TENM4: variants seen among roughly 807,000 people sequenced by gnomAD.
TENM4 encodes the protein teneurin-4.
Under a neutral mutation model 243.3 loss-of-function variants are expected in TENM4, and 82 were observed. The observed-to-expected ratio is 0.34, with a 90% confidence interval of 0.28 to 0.40. The LOEUF is 0.40. TENM4 is among the 10% of genes least tolerant of loss of function. TENM4 has a pLI of 1.00. For missense variants in TENM4, 3,138 were observed against 3,673.3 expected, an observed-to-expected ratio of 0.85 and a Z score of 3.77; for synonymous variants, 1,412 against 1,456.3, an observed-to-expected ratio of 0.97 and a Z score of 0.69.
chr11:78,744,202 T>C (rs1337282614), intron 19 of TENM4, among the ~76,000 whole-genome samples: 1 of 152,184 alleles, frequency 6.6e-6, no homozygotes, highest in Non-Finnish European at 1.5e-5. Context: ...AGCCTGACAT[T>C]GTCCTCTCTG....
chr11:78,826,577 G>A (rs1384895289), intron 12 of TENM4, among the ~76,000 whole-genome samples: 2 of 152,048 alleles, frequency 1.3e-5, no homozygotes, highest in Non-Finnish European at 2.9e-5. Flanking sequence ...CTGTCTCCAG[G>A]CCTGCCCCTT....
In TENM4 at chr11:78,676,566, C is replaced by A. The variant is rs79676673; in HGVS notation, c.5261-179G>T. ...GAAGACCATCCAGATTCTCCATATCCAAAGAAAACCATTGTAAATATTTTG... is the reference window on the plus strand; with the variant it reads ...GAAGACCATCCAGATTCTCCATATCAAAAGAAAACCATTGTAAATATTTTG... On this transcript the variant is annotated intron_variant, in intron 29 of 33. Coordinates refer to ENST00000278550, the MANE Select transcript of TENM4 (RefSeq NM_001098816.3). 4.4e-3 allele frequency among the ~76,000 whole-genome samples: 671 copies of A among 152,316 alleles called. 1 individual carries two copies. Among genetic ancestry groups the A allele is most frequent in the African/African-American group, 0.015 (632 of 41,568 alleles).
chr11:79,001,618 T>C (rs1565162010), intron 6 of TENM4, among the ~76,000 whole-genome samples: 1 of 152,170 alleles, frequency 6.6e-6, no homozygotes. Flanking sequence ...GGATGGCCAT[T>C]CTCCATGGCT....
At chr11:78,815,453 A>G (rs1329580854) in intron 12 of TENM4, among the ~76,000 whole-genome samples, 1 of 152,080 alleles carries the variant, frequency 6.6e-6, no homozygotes, top group Non-Finnish European at 1.5e-5. Flanking sequence ...GCTCTCTGTC[A>G]TGCCCCCCTT....
intron 12 of TENM4, among the ~76,000 whole-genome samples, chr11:78,845,545 C>T (rs111420687): frequency 6.6e-6 from 1 of 152,186 alleles, no homozygotes; most frequent in Non-Finnish European, 1.5e-5. Flanking sequence ...CTATCGACCA[C>T]CAGTGCCAAT....
In TENM4 at chr11:78,735,876, T is replaced by C. The variant is rs539717999; in HGVS notation, c.2876+2575A>G. Among the ~76,000 whole-genome samples the C allele has an allele frequency of 5.9e-4, 86 of 146,684 alleles. 1 individual carries two copies. Among genetic ancestry groups the C allele is most frequent in the African/African-American group, 2.0e-3 (82 of 40,632 alleles). ...CCTCCTCTCCTCTCCTTTCTTTTCT[T>C]CCTTTCCCCCTTTCTCCCTTTCCTT... On this transcript the variant is annotated intron_variant, in intron 20 of 33. Transcript: ENST00000278550.
At chr11:78,708,905 C>T (rs1332391581) in intron 26 of TENM4, among the ~76,000 whole-genome samples, 2 of 151,300 alleles carry the variant, frequency 1.3e-5, no homozygotes, top group Non-Finnish European at 1.5e-5. Context: ...ATTTCTGAAG[C>T]TCTGTAATTA....
In TENM4 at chr11:79,438,062, G is replaced by C. The variant is rs1362389886; in HGVS notation, c.-321+2447C>G. Among the ~76,000 whole-genome samples the C allele has an allele frequency of 6.6e-6, 1 of 152,178 alleles. No homozygotes were observed. The highest frequency in any genetic ancestry group is 1.9e-4 in the East Asian group (1 of 5,166). On this transcript the variant is annotated intron_variant, in intron 1 of 33. Transcript: ENST00000278550. This position sits in a 1 kb window ranked among gnomAD's most constrained non-coding sequence, Gnocchi z 4.1. ...AAGGAACAGATTCAGACAGATCGGG[G>C]ATTTCAGTGGGAGGGGACGAGAGGT...
chr11:79,172,083 C>T (rs1045971614), intron 3 of TENM4, among the ~76,000 whole-genome samples: 1 of 152,204 alleles, frequency 6.6e-6, no homozygotes, highest in East Asian at 1.9e-4. Flanking sequence ...TTCTGAGTAG[C>T]TGGGACTACA....
chr11:78,754,530 T>C (rs1211952467), intron 19 of TENM4, among the ~76,000 whole-genome samples: 5 of 152,156 alleles, frequency 3.3e-5, no homozygotes, highest in South Asian at 4.1e-4. Context: ...ATGGCCCTAA[T>C]TGGATCCAAT....
chr11:79,323,209 C>T lies in TENM4; in HGVS notation c.-320-25666G>A, dbSNP rs140150128. Among the ~76,000 whole-genome samples the T allele has an allele frequency of 3.9e-3, 589 of 152,340 alleles. 1 individual carries two copies. The highest frequency in any genetic ancestry group is 0.017 in the Middle Eastern group (5 of 294). On this transcript the variant is annotated intron_variant, in intron 1 of 33. Coordinates refer to ENST00000278550, the MANE Select transcript of TENM4 (RefSeq NM_001098816.3). ...GTATGGGCCCCTCTTGAGGCAGACACCTTTTTCTTCTAAATCCTGATCCCA... is the reference window on the plus strand; with the variant it reads ...GTATGGGCCCCTCTTGAGGCAGACATCTTTTTCTTCTAAATCCTGATCCCA...
intron 29 of TENM4, among the ~76,000 whole-genome samples, chr11:78,687,369 T>C (rs907686640): frequency 1.3e-5 from 2 of 152,170 alleles, no homozygotes; most frequent in African/African-American, 4.8e-5. Context: ...TGAAAGCCTT[T>C]GGAGGTACAA....
rs755304613 is a variant in TENM4, at chr11:78,778,593, A to G, written c.2392+9T>C. 5 of 1,611,560 alleles carry G rather than the reference A, an allele frequency of 3.1e-6. No homozygotes were observed. Among genetic ancestry groups the G allele is most frequent in the Non-Finnish European group, 4.2e-6 (5 of 1,178,862 alleles). On this transcript the variant is annotated intron_variant, in intron 17 of 33. Transcript: ENST00000278550. ...AGACAACAGGAAAATAGAGGAAGGAAGACCATACCTTTAACTACCCTATCC... is the reference window on the plus strand; with the variant it reads ...AGACAACAGGAAAATAGAGGAAGGAGGACCATACCTTTAACTACCCTATCC...
chr11:78,809,340 G>A (rs1050397837), intron 14 of TENM4, among the ~76,000 whole-genome samples: 1 of 152,198 alleles, frequency 6.6e-6, no homozygotes, highest in African/African-American at 2.4e-5. Flanking sequence ...GAAGTTTTAA[G>A]GAAGACTGCA....
Position 79,215,899 on chromosome 11 carries a change from C to T in TENM4, c.-254G>A, listed in dbSNP as rs1007849032. On this transcript the variant is annotated 5_prime_UTR_variant, in exon 3 of 34. Coordinates refer to ENST00000278550, the MANE Select transcript of TENM4 (RefSeq NM_001098816.3). ...GGCCATTGGATCCTGGAGGATGGTG[C>T]GGGATCTTTTCTGTTGAAGCAGAGA... 8.2e-6 allele frequency: 8 copies of T among 980,038 alleles called. No homozygotes were observed. Among genetic ancestry groups the T allele is most frequent in the Non-Finnish European group, 9.7e-6 (8 of 824,800 alleles). The allele number at this position is 980,038 out of a possible 1,614,324, so 60.7% of individuals were successfully genotyped here. A position where few individuals can be genotyped will look rare whatever the true frequency, so the allele number is the denominator to read the frequency against.
At chr11:78,787,768 A>T (rs1053340815) in intron 15 of TENM4, among the ~76,000 whole-genome samples, 3 of 152,176 alleles carry the variant, frequency 2.0e-5, no homozygotes, top group Non-Finnish European at 2.9e-5. Context: ...TTCAGATCCA[A>T]AGCAAATGGT....
In TENM4 at chr11:79,383,397, C is replaced by A. The variant is rs146278977; in HGVS notation, c.-321+57112G>T. ...ACATCTCTTATTTGTTCCCTTAACC[C>A]TGACTGCTCCACTTCCACAAAACAC... On this transcript the variant is annotated intron_variant, in intron 1 of 33. Transcript: ENST00000278550. Among the ~76,000 whole-genome samples the A allele has an allele frequency of 2.6e-3, 390 of 152,348 alleles. 2 individuals carry two copies. Among genetic ancestry groups the A allele is most frequent in the African/African-American group, 8.8e-3 (364 of 41,580 alleles).
chr11:79,409,060 T>TTGTG (rs559211499), intron 1 of TENM4, among the ~76,000 whole-genome samples: 1,724 of 141,910 alleles, frequency 0.012, 14 homozygotes, highest in African/African-American at 0.017. Context: ...GAGGGATATT[T>TTGTG]TGTGTGTGTG....
At chr11:78,926,945 T>C (rs118147287) in intron 6 of TENM4, among the ~76,000 whole-genome samples, 4,146 of 152,342 alleles carry the variant, frequency 0.027, 81 homozygotes, top group Admixed American at 0.046. Context: ...TTAAAATCTT[T>C]ATGATACTGT....
Sources: gnomAD v4.1 joint callset for allele counts (sites outside exome capture counted in the v4.1 genomes callset) on GRCh38, gnomAD v4.1.1 for gene constraint, Gnocchi (gnomAD v3.1) non-coding constraint, MANE v1.5 for transcripts, NCBI Gene and HGNC (gene_info 2026-07-23, HGNC 2026-07-21) for gene names.